PRSS57: variants seen among roughly 807,000 people sequenced by gnomAD.
The protein encoded by PRSS57 is serine protease 57.
Under a neutral mutation model 20.6 loss-of-function variants are expected in PRSS57, and 19 were observed. That is an observed-to-expected ratio of 0.92 (90% CI 0.64 to 1.35). The LOEUF is 1.35. Ranked by LOEUF, PRSS57 falls within the 40% of genes most tolerant of loss-of-function variation. The probability of loss-of-function intolerance (pLI) is 0.00; values close to 1 mark genes in which losing one functional copy is unlikely to be tolerated. For synonymous variants in PRSS57, 203 were observed against 176.6 expected (o/e 1.15, Z -1.19); for missense variants, 440 against 403.7 (o/e 1.09, Z -0.77).
chr19:694,706 TC>T, intron 2 of PRSS57, 107 bp downstream of exon 2: 1 of 1,273,732 alleles, frequency 7.9e-7, no homozygotes, highest in Non-Finnish European at 1.1e-6. Context: ...CTGCTGAGAC[TC>T]CCCCTCCTGC....
chr19:693,825 C>T (rs931562539), intron 2 of PRSS57, among the ~76,000 whole-genome samples: 5 of 152,096 alleles, frequency 3.3e-5, no homozygotes, highest in East Asian at 1.9e-4. Context: ...CTGAAAGCGC[C>T]GCCTCCCGGG....
chr19:686,197 A>G lies in PRSS57; in HGVS notation c.643-275T>C, dbSNP rs760192140. Reference sequence around the variant, plus strand: ...TGCCTGTGTGAACATTCGAGTCTGCAGTGTTTTGGGCAGTGCACAACCTAC... The same window carrying G: ...TGCCTGTGTGAACATTCGAGTCTGCGGTGTTTTGGGCAGTGCACAACCTAC... On this transcript the variant is annotated intron_variant, in intron 4 of 4. Transcript: ENST00000329267. 3.3e-4 allele frequency among the ~76,000 whole-genome samples: 50 copies of G among 152,002 alleles called. 1 individual carries two copies. Among genetic ancestry groups the G allele is most frequent in the Non-Finnish European group, 8.8e-5 (6 of 68,000 alleles).
At chr19:691,596 G>A (rs1206146957) in intron 3 of PRSS57, among the ~76,000 whole-genome samples, 2 of 151,392 alleles carry the variant, frequency 1.3e-5, no homozygotes, top group African/African-American at 4.9e-5. Flanking sequence ...GAGGCAGGTG[G>A]ATCATTTGAA....
At chr19:691,822 A>C in intron 3 of PRSS57, 36 bp downstream of exon 3, 1 of 1,322,074 alleles carries the variant, frequency 7.6e-7, no homozygotes, top group Non-Finnish European at 9.7e-7. Context: ...CTGTCTCAAA[A>C]ACTAAACATA....
chr19:690,044 C>T (rs1433059848), intron 3 of PRSS57, among the ~76,000 whole-genome samples: 1 of 149,550 alleles, frequency 6.7e-6, no homozygotes, highest in South Asian at 2.1e-4. Flanking sequence ...CAAAGTGAGA[C>T]TCCGTCTCAA....
chr19:688,530 G>T (rs1039000902), intron 3 of PRSS57, among the ~76,000 whole-genome samples: 3 of 151,460 alleles, frequency 2.0e-5, no homozygotes, highest in Non-Finnish European at 4.4e-5. Context: ...GCAGGAGGGG[G>T]CCAGGCGGGT....
intron 2 of PRSS57, 86 bp from the exon 3 acceptor site, chr19:692,088 G>A (rs1409909614): frequency 7.4e-5 from 90 of 1,218,960 alleles, no homozygotes; most frequent in Admixed American, 2.5e-4. Context: ...CGGAGGCCCA[G>A]GCCGGGCACG....
chr19:693,768 C>A lies in PRSS57; in HGVS notation c.233+1046G>T, dbSNP rs1228984292. Among the ~76,000 whole-genome samples the A allele has an allele frequency of 5.3e-5, 8 of 151,892 alleles. No individual in the cohort carries two copies. The East Asian group carries it at 1.6e-3, about 30-fold the overall frequency. ...TCGTATTTTTTTTTTGAGACAGAGT[C>A]TCGCTCTGTCCCCCAGGCTGGAGTG... On this transcript the variant is annotated intron_variant, in intron 2 of 4. Transcript: ENST00000329267.
intron 3 of PRSS57, 48 bp downstream of exon 3, chr19:691,810 G>T: frequency 7.6e-7 from 1 of 1,309,218 alleles, no homozygotes; most frequent in South Asian, 2.9e-5. Context: ...CAGAGCGAGA[G>T]ACTGTCTCAA....
At chr19:694,271 A>T (rs1250965180) in intron 2 of PRSS57, among the ~76,000 whole-genome samples, 1 of 151,970 alleles carries the variant, frequency 6.6e-6, no homozygotes, top group Non-Finnish European at 1.5e-5. Context: ...TATTATAACA[A>T]TATGTTTAAA....
Position 686,830 on chromosome 19 carries a change from G to C in PRSS57, c.642+95C>G, listed in dbSNP as rs555994080. ...TTCTCCGTCTGGTCCAACATCAATG[G>C]GACTCAGTTCCCAAGGCCCTTCCTG... On this transcript the variant is annotated intron_variant, in intron 4 of 4. Transcript: ENST00000329267. The C allele has an allele frequency of 6.8e-5, 98 of 1,442,246 alleles. No homozygotes were observed. In the African/African-American group the frequency reaches 1.3e-3, roughly 19 times the overall value. 89.3% of individuals were successfully genotyped at this position (1,442,246 alleles called of 1,614,324 possible).
In PRSS57 at chr19:689,088, G is replaced by A. The variant is rs189512776; in HGVS notation, c.379-1900C>T. On this transcript the variant is annotated intron_variant, in intron 3 of 4. Transcript: ENST00000329267. ...GCGGGTGGTCCAGGGGTTAGCAGGT[G>A]ACAAGCAGGTGACGACGGGGCCGGA... Among the ~76,000 whole-genome samples, 924 of 151,770 alleles carry A rather than the reference G, an allele frequency of 6.1e-3. 6 individuals are homozygous for A. Among genetic ancestry groups the A allele is most frequent in the African/African-American group, 0.021 (874 of 41,286 alleles).
intron 2 of PRSS57, 60 bp downstream of exon 2, chr19:694,754 G>C: frequency 6.6e-7 from 1 of 1,523,412 alleles, no homozygotes; most frequent in Non-Finnish European, 8.8e-7. Flanking sequence ...CACCAGCCTG[G>C]AGTCCCCCTC....
chr19:694,555 C>G (rs141623555), intron 2 of PRSS57, among the ~76,000 whole-genome samples: 114 of 121,908 alleles, frequency 9.4e-4, no homozygotes, highest in African/African-American at 4.2e-3. Flanking sequence ...GGAACCGAGA[C>G]TGCCTCAAAA....
At chr19:694,676 T>C in intron 2 of PRSS57, 138 bp downstream of exon 2, 1 of 958,912 alleles carries the variant, frequency 1.0e-6, no homozygotes. Context: ...TTTCCCTTTG[T>C]TGCCCTTTAA....
chr19:688,131 T>C (rs1324996954), intron 3 of PRSS57, among the ~76,000 whole-genome samples: 1 of 152,216 alleles, frequency 6.6e-6, no homozygotes, highest in African/African-American at 2.4e-5. Context: ...GCTCAGTTAA[T>C]GGGCCTGGGA....
chr19:692,517 A>C (rs76427551), intron 2 of PRSS57, among the ~76,000 whole-genome samples: 5,420 of 144,418 alleles, frequency 0.038, 357 homozygotes, highest in African/African-American at 0.13. Context: ...CCTGGGTTCC[A>C]GTGATTCTCC....
chr19:693,068 C>T (rs1171530883), intron 2 of PRSS57, among the ~76,000 whole-genome samples: 1 of 151,646 alleles, frequency 6.6e-6, no homozygotes, highest in African/African-American at 2.4e-5. Flanking sequence ...GCTGGGACTA[C>T]AGGCGCCCGC....
chr19:692,816 C>G lies in PRSS57; in HGVS notation c.234-814G>C, dbSNP rs571824929. On this transcript the variant is annotated intron_variant, in intron 2 of 4. Coordinates refer to ENST00000329267, the MANE Select transcript of PRSS57 (RefSeq NM_001308209.2). ...CAATAGTTGTGGTATTAATTTGAAT[C>G]ATTATTATAAAAACATATTTAGAAT... Among the ~76,000 whole-genome samples the G allele has an allele frequency of 1.2e-3, 189 of 151,978 alleles. 4 individuals carry two copies. Among genetic ancestry groups the G allele is most frequent in the Admixed American group, 8.7e-3 (132 of 15,252 alleles).
Sources: allele counts gnomAD v4.1 joint callset (sites outside exome capture counted in the v4.1 genomes callset), GRCh38; gene constraint gnomAD v4.1.1; transcripts MANE v1.5; gene names NCBI Gene and HGNC (gene_info 2026-07-23, HGNC 2026-07-21).